NFIA: variants seen among roughly 807,000 people sequenced by gnomAD.
NFIA encodes the protein nuclear factor 1 A-type.
A neutral mutation model predicts 62.8 loss-of-function variants in NFIA; 8 were observed. The ratio of observed to expected loss-of-function variants is 0.13; its 90% CI spans 0.07 to 0.23. The LOEUF is 0.23. NFIA is among the 10% of genes least tolerant of loss of function. The pLI is 1.00. For synonymous variants in NFIA, 235 were observed against 238.1 expected, an observed-to-expected ratio of 0.99 and a Z score of 0.12; for missense variants, 410 against 642.1, an observed-to-expected ratio of 0.64 and a Z score of 3.91.
chr1:61,282,150 G>A (rs1333037751), intron 3 of NFIA, among the ~76,000 whole-genome samples: 1 of 152,158 alleles, frequency 6.6e-6, no homozygotes, highest in Non-Finnish European at 1.5e-5. Context: ...AGGACATCAA[G>A]TTGTCCCTCT....
At chr1:61,157,417 GA>G (rs1424345622) in intron 2 of NFIA, among the ~76,000 whole-genome samples, 9 of 151,574 alleles carry the variant, frequency 5.9e-5, no homozygotes, top group African/African-American at 1.7e-4. Context: ...GTCAATAGAG[GA>G]AGAAAAAAAA....
chr1:61,273,257 A>G (rs1657622329), intron 2 of NFIA, among the ~76,000 whole-genome samples: 1 of 152,178 alleles, frequency 6.6e-6, no homozygotes, highest in African/African-American at 2.4e-5. Context: ...TTCCTCCATC[A>G]TTCATCATTT....
chr1:61,189,205 A>G (rs532033228), intron 2 of NFIA, among the ~76,000 whole-genome samples: 3 of 152,270 alleles, frequency 2.0e-5, no homozygotes, highest in South Asian at 4.1e-4. Flanking sequence ...AGACAGATTC[A>G]GAAGCTAAGC....
intron 2 of NFIA, among the ~76,000 whole-genome samples, chr1:61,151,422 G>C (rs334704): frequency 6.7e-6 from 1 of 150,200 alleles, no homozygotes; most frequent in South Asian, 2.1e-4. Context: ...GGTAAGGGAA[G>C]ACGATCCAAT....
intron 2 of NFIA, among the ~76,000 whole-genome samples, chr1:61,215,215 T>C (rs1308767614): frequency 6.6e-6 from 1 of 152,222 alleles, no homozygotes; most frequent in East Asian, 1.9e-4. Flanking sequence ...CTCAAAATGA[T>C]TATACTGTTA....
intron 2 of NFIA, among the ~76,000 whole-genome samples, chr1:61,172,849 A>C (rs334721): frequency 0.98 from 148,789 of 152,340 alleles, 72,679 homozygotes; most frequent in East Asian, 1. Flanking sequence ...ATAACTCGAC[A>C]ATCTAGCTAC....
chr1:61,351,197 G>A (rs1662532298), intron 4 of NFIA, among the ~76,000 whole-genome samples: 1 of 152,178 alleles, frequency 6.6e-6, no homozygotes, highest in Non-Finnish European at 1.5e-5. Flanking sequence ...CTCATTGTAA[G>A]TTGAGCACCT....
At chr1:61,184,226 G>C (rs1459528157) in intron 2 of NFIA, among the ~76,000 whole-genome samples, 2 of 152,134 alleles carry the variant, frequency 1.3e-5, no homozygotes, top group Non-Finnish European at 2.9e-5. Flanking sequence ...TCCTGGTGTG[G>C]GTTCAGGCCG....
At chr1:61,294,098 A>G (rs1659053401) in intron 3 of NFIA, among the ~76,000 whole-genome samples, 1 of 152,206 alleles carries the variant, frequency 6.6e-6, no homozygotes, top group Non-Finnish European at 1.5e-5. Context: ...TCACTTTGAC[A>G]CAGTTTACTA....
chr1:61,173,155 G>A (rs919386897), intron 2 of NFIA, among the ~76,000 whole-genome samples: 16 of 152,142 alleles, frequency 1.1e-4, no homozygotes, highest in South Asian at 2.1e-4. Flanking sequence ...CCACTATTCC[G>A]TTTTGATACC....
At chr1:61,086,524 C>G (rs1646222189) in intron 1 of NFIA, among the ~76,000 whole-genome samples, 1 of 152,104 alleles carries the variant, frequency 6.6e-6, no homozygotes, top group African/African-American at 2.4e-5. Flanking sequence ...AAGCTGACTA[C>G]TTCTCTTTTG....
intron 2 of NFIA, among the ~76,000 whole-genome samples, chr1:61,186,503 G>A (rs998194504): frequency 6.6e-6 from 1 of 152,146 alleles, no homozygotes; most frequent in Non-Finnish European, 1.5e-5. Flanking sequence ...CGTTCAGTCA[G>A]TGGAAGAGAC....
intron 10 of NFIA, chr1:61,439,331 T>A (rs1329727398): frequency 1.3e-5 from 2 of 152,084 alleles, no homozygotes; most frequent in African/African-American, 4.8e-5. Context: ...AAAAATGACG[T>A]TTTGTTCTCT....
chr1:61,164,565 T>C (rs906993032), intron 2 of NFIA, among the ~76,000 whole-genome samples: 6 of 152,134 alleles, frequency 3.9e-5, no homozygotes, highest in Non-Finnish European at 8.8e-5. Flanking sequence ...GTTCACGCCA[T>C]TCTCCTGCCT....
chr1:61,128,206 C>T (rs1239589671), intron 2 of NFIA, among the ~76,000 whole-genome samples: 1 of 152,140 alleles, frequency 6.6e-6, no homozygotes, highest in African/African-American at 2.4e-5. Context: ...GCCTCAGTCT[C>T]CCAAAGTGCT....
intron 2 of NFIA, among the ~76,000 whole-genome samples, chr1:61,101,294 C>T (rs1646504007): frequency 6.6e-6 from 1 of 151,744 alleles, no homozygotes; most frequent in Non-Finnish European, 1.5e-5. Flanking sequence ...ACTCGGGAGG[C>T]CGAGGCAGGA....
intron 10 of NFIA, among the ~76,000 whole-genome samples, chr1:61,440,182 G>A (rs1044185878): frequency 1.3e-5 from 2 of 152,144 alleles, no homozygotes; most frequent in Non-Finnish European, 2.9e-5. Flanking sequence ...AATGTGATGG[G>A]CTAAGTGTCA....
Position 61,178,827 on chromosome 1 carries a change from A to G in NFIA, c.559+90147A>G, listed in dbSNP as rs150433291. ...AAACAAGGTTTTGAGTGCAAGTATT[A>G]TAGTTTATTTGGGAGGTGATCCCAG... is the stretch of plus-strand genomic sequence containing the variant. On this transcript the variant is annotated intron_variant, in intron 2 of 10. Coordinates refer to ENST00000403491, the MANE Select transcript of NFIA (RefSeq NM_001134673.4). Among the ~76,000 whole-genome samples, 761 of 152,302 alleles carry G rather than the reference A, an allele frequency of 5.0e-3. 9 individuals carry two copies. The highest frequency in any genetic ancestry group is 0.018 in the African/African-American group (735 of 41,560).
chr1:61,257,491 C>A (rs926652092), intron 2 of NFIA, among the ~76,000 whole-genome samples: 4 of 151,690 alleles, frequency 2.6e-5, no homozygotes, highest in African/African-American at 7.3e-5. Context: ...GCACACATCA[C>A]CATGTCCAGC....
Sources: gnomAD v4.1 joint callset for allele counts (sites outside exome capture counted in the v4.1 genomes callset) on GRCh38, gnomAD v4.1.1 for gene constraint, MANE v1.5 for transcripts, NCBI Gene and HGNC (gene_info 2026-07-23, HGNC 2026-07-21) for gene names.